Variants in BLTP2 observed in about 807,000 individuals in gnomAD.
BLTP2 encodes the protein bridge-like lipid transfer protein family member 2.
the BLTP2 span, chr17:28,633,024 G>A: frequency 6.3e-7 from 1 of 1,585,000 alleles, no homozygotes; most frequent in South Asian, 1.2e-5. Flanking sequence ...CATGAAGCTG[G>A]CCCAAGGGCA....
At chr17:28,644,193 G>A in the BLTP2 span, 1 of 1,612,252 alleles carries the variant, frequency 6.2e-7, no homozygotes. Flanking sequence ...GCCACCTGCA[G>A]AAAAATTCCT....
the BLTP2 span, among the ~76,000 whole-genome samples, chr17:28,641,116 G>A: frequency 1.3e-5 from 2 of 152,100 alleles, no homozygotes; most frequent in Non-Finnish European, 2.9e-5. Context: ...ACCAAAGTCC[G>A]CACATACTCA....
chr17:28,620,849 A>T, the BLTP2 span: 1 of 986,116 alleles, frequency 1.0e-6, no homozygotes, highest in Non-Finnish European at 1.5e-6. Context: ...CAGAACTTAC[A>T]AAAAGTAGAG....
chr17:28,617,074 G>A, the BLTP2 span: 1 of 1,227,696 alleles, frequency 8.1e-7, no homozygotes, highest in Non-Finnish European at 1.2e-6. Flanking sequence ...ATCCTCTGCA[G>A]AATGAGAGGA....
the BLTP2 span, chr17:28,641,993 G>A: frequency 1.2e-6 from 2 of 1,614,102 alleles, no homozygotes; most frequent in East Asian, 4.5e-5. Flanking sequence ...CACATCCACA[G>A]TGATAGCAGT....
the BLTP2 span, chr17:28,615,995 C>A: frequency 1.8e-6 from 2 of 1,085,640 alleles, no homozygotes; most frequent in African/African-American, 3.1e-5. Flanking sequence ...TCACCCACAG[C>A]TCAGCATCAC....
chr17:28,622,497 T>C, the BLTP2 span, among the ~76,000 whole-genome samples: 1 of 152,204 alleles, frequency 6.6e-6, no homozygotes, highest in Non-Finnish European at 1.5e-5. Flanking sequence ...CCTTACCAGA[T>C]ACAGCTAAAT....
chr17:28,643,406 A>G, the BLTP2 span: 1 of 1,517,538 alleles, frequency 6.6e-7, no homozygotes, highest in African/African-American at 1.4e-5. Context: ...CTTCCTAGAA[A>G]TATAGCTCAA....
At chr17:28,617,399 G>T in the BLTP2 span, 1 of 1,042,950 alleles carries the variant, frequency 9.6e-7, no homozygotes, top group Non-Finnish European at 1.5e-6. Flanking sequence ...TATCCAGTTT[G>T]TTTTCAGGCT....
chr17:28,617,105 C>T, the BLTP2 span: 1 of 1,173,358 alleles, frequency 8.5e-7, no homozygotes, highest in Non-Finnish European at 1.2e-6. Flanking sequence ...TACTGCTAAG[C>T]TGGGCAAGCT....
the BLTP2 span, among the ~76,000 whole-genome samples, chr17:28,636,741 A>G: frequency 1.3e-5 from 2 of 152,202 alleles, no homozygotes; most frequent in East Asian, 3.9e-4. Flanking sequence ...GTTTCACAAC[A>G]TGAGTTAAAA....
At chr17:28,642,506 C>T in the BLTP2 span, 3 of 615,390 alleles carry the variant, frequency 4.9e-6, no homozygotes, top group Non-Finnish European at 8.6e-6. Context: ...AAAAAATTAG[C>T]CAGGCGCGGT....
the BLTP2 span, chr17:28,639,889 C>T: frequency 1.9e-6 from 3 of 1,614,016 alleles, no homozygotes; most frequent in Non-Finnish European, 1.7e-6. Flanking sequence ...ACCAGTACCC[C>T]GACCCATGAA....
chr17:28,615,052 C>G, the BLTP2 span: 1 of 1,609,462 alleles, frequency 6.2e-7, no homozygotes, highest in Middle Eastern at 1.8e-4. Context: ...TGCAGCCACT[C>G]GAATCGCCAA....
At chr17:28,617,799 G>A in the BLTP2 span, among the ~76,000 whole-genome samples, 7 of 152,126 alleles carry the variant, frequency 4.6e-5, no homozygotes, top group Middle Eastern at 3.4e-3. Flanking sequence ...TCACTCTGTT[G>A]CCCAGGCTGA....
At chr17:28,634,392 A>T in the BLTP2 span, 1 of 832,052 alleles carries the variant, frequency 1.2e-6, no homozygotes, top group Admixed American at 2.4e-5. Context: ...AAGCCCACCC[A>T]TCCCACTCCA....
At chr17:28,619,743 C>A in the BLTP2 span, 1 of 1,613,858 alleles carries the variant, frequency 6.2e-7, no homozygotes, top group South Asian at 1.1e-5. Context: ...TCAGGTCAAG[C>A]AGATTCTCAT....
the BLTP2 span, among the ~76,000 whole-genome samples, chr17:28,625,354 A>AAAAAG: frequency 1.4e-5 from 2 of 147,230 alleles, no homozygotes; most frequent in Admixed American, 6.7e-5. Context: ...AAAAAAAAAA[A>AAAAAG]AAAAGAAAAA....
At chr17:28,631,634 T>C in the BLTP2 span, 1 of 1,614,124 alleles carries the variant, frequency 6.2e-7, no homozygotes, top group Non-Finnish European at 8.5e-7. Context: ...TCACTCACCA[T>C]CTGGGTAACA....
Sources: allele counts gnomAD v4.1 joint callset (sites outside exome capture counted in the v4.1 genomes callset), GRCh38; gene constraint gnomAD v4.1.1; transcripts MANE v1.5; gene names NCBI Gene and HGNC (gene_info 2026-07-23, HGNC 2026-07-21).